Variants in NF1 observed in about 807,000 individuals in gnomAD.
NF1 encodes the protein neurofibromin.
Under a neutral mutation model 325.7 loss-of-function variants are expected in NF1, and 122 were observed. The observed-to-expected ratio is 0.37, with a 90% CI of 0.32 to 0.44. The LOEUF (loss-of-function observed/expected upper bound fraction) is 0.44. Ranked by LOEUF, NF1 falls within the 20% of genes least tolerant of loss-of-function variation. NF1 has a pLI of 1.00. For missense variants in NF1, 2,140 were observed against 3,415.4 expected (o/e 0.63, Z 9.31); for synonymous variants, 1,091 against 1,186.0 (o/e 0.92, Z 1.65).
chr17:31,296,125 A>G, intron 36 of NF1: 1 of 1,611,070 alleles, frequency 6.2e-7, no homozygotes, highest in Non-Finnish European at 8.5e-7. Context: ...GGTTATGCAG[A>G]TCAGTAAAGT....
At chr17:31,313,850 C>T in intron 36 of NF1, 1 of 362,524 alleles carries the variant, frequency 2.8e-6, no homozygotes, top group Non-Finnish European at 4.9e-6. Flanking sequence ...TTCTATGCAA[C>T]AAAACCACAA....
intron 12 of NF1, among the ~76,000 whole-genome samples, chr17:31,208,703 C>T (rs188429809): frequency 6.6e-6 from 1 of 152,232 alleles, no homozygotes; most frequent in East Asian, 1.9e-4. Context: ...CCAGCCTGGC[C>T]AACATGGTGA....
intron 55 of NF1, 98 bp from the exon 56 acceptor site, chr17:31,358,871 A>C: frequency 1.7e-6 from 2 of 1,153,592 alleles, no homozygotes; most frequent in Non-Finnish European, 2.6e-6. Context: ...CAACATGTAC[A>C]TAGGGTTTAT....
rs768883989 is a variant in NF1 at position 31,219,025 on chromosome 17, C to T, written c.1548C>T (p.Pro516=). Residue 516 remains proline (P), a synonymous_variant, in exon 14 of 58, where the codon CCC becomes CCT. Transcript: ENST00000358273. ...TGCAGAATCCAAGAAAACAGGGGCC[C>T]GAAACCCAAGGCAGTACAGCAGAAT... ...LLLCNPRKQG[P]ETQGSTAELI... 1.5e-5 allele frequency: 25 copies of T among 1,613,222 alleles called. No homozygotes were observed. The highest frequency in any genetic ancestry group is 2.2e-5 in the East Asian group (1 of 44,876).
intron 47 of NF1, among the ~76,000 whole-genome samples, chr17:31,340,856 A>G (rs1391766113): frequency 6.6e-6 from 1 of 150,896 alleles, no homozygotes; most frequent in Non-Finnish European, 1.5e-5. Context: ...GCAAAAAAAA[A>G]AAAACAAAAA....
At chr17:31,223,111 C>A (rs943602430) in intron 15 of NF1, among the ~76,000 whole-genome samples, 2 of 152,136 alleles carry the variant, frequency 1.3e-5, no homozygotes, top group African/African-American at 4.8e-5. Flanking sequence ...CTGTGGAGCA[C>A]TGGGTTTATA....
intron 2 of NF1, among the ~76,000 whole-genome samples, chr17:31,157,103 C>T (rs2065677174): frequency 6.6e-6 from 1 of 152,144 alleles, no homozygotes; most frequent in Non-Finnish European, 1.5e-5. Flanking sequence ...TTTGCTGCCT[C>T]AGGCTCCCCA....
At chr17:31,193,364 T>C (rs8069394) in intron 8 of NF1, among the ~76,000 whole-genome samples, 17,384 of 152,168 alleles carry the variant, frequency 0.11, 2,852 homozygotes, top group African/African-American at 0.37. Flanking sequence ...AGACTAAGTC[T>C]TGCTATTATG....
In NF1 at chr17:31,095,384, G is replaced by A. The variant is rs756930099; in HGVS notation, c.60+15G>A. The A allele has an allele frequency of 5.9e-6, 9 of 1,538,282 alleles. No homozygotes were observed. The highest frequency in any genetic ancestry group is 7.9e-6 in the Non-Finnish European group (9 of 1,146,234). On this transcript the variant is annotated intron_variant, in intron 1 of 57. Transcript: ENST00000358273. The stretch of plus-strand genomic sequence containing the variant: ...TCGACGAGCAGGTAACCGGCCCGTG[G>A]CGGGCGGGAGGTGGGAGCGGAGTGG...
chr17:31,157,734 C>T (rs1222717500), intron 2 of NF1, among the ~76,000 whole-genome samples: 7 of 147,356 alleles, frequency 4.8e-5, no homozygotes, highest in South Asian at 2.1e-4. Context: ...CCAAGACGGG[C>T]GGATCACGAG....
intron 1 of NF1, among the ~76,000 whole-genome samples, chr17:31,141,097 CACTT>C (rs1249506080): frequency 5.9e-5 from 9 of 152,152 alleles, no homozygotes; most frequent in Non-Finnish European, 1.2e-4. Context: ...CTGCTTGTAA[CACTT>C]ACACACACAC....
rs1362721238 is a variant in NF1 at position 31,318,661 on chromosome 17, C to A, written c.4836-7159C>A. ...ACAGACATCCTTTTTGAAAATTTCA[C>A]CATGACTTTTGCTTGTGTTTTCAAT... On this transcript the variant is annotated intron_variant, in intron 36 of 57. Transcript: ENST00000358273. 10 of 1,613,970 alleles carry A rather than the reference C, an allele frequency of 6.2e-6. No individual in the cohort carries two copies. The highest frequency in any genetic ancestry group is 8.5e-6 in the Non-Finnish European group (10 of 1,179,986).
chr17:31,287,023 A>G (rs1313971872), intron 36 of NF1, among the ~76,000 whole-genome samples: 1 of 152,246 alleles, frequency 6.6e-6, no homozygotes, highest in Non-Finnish European at 1.5e-5. Context: ...GTATTTCATT[A>G]GATTTATTGA....
intron 38 of NF1, among the ~76,000 whole-genome samples, chr17:31,329,199 T>A (rs1356702147): frequency 6.6e-6 from 1 of 152,178 alleles, no homozygotes; most frequent in South Asian, 2.1e-4. Context: ...AAAAAAGATA[T>A]GTAAACAGAA....
chr17:31,329,353 G>C (rs1351676855), intron 38 of NF1, among the ~76,000 whole-genome samples: 1 of 152,136 alleles, frequency 6.6e-6, no homozygotes, highest in African/African-American at 2.4e-5. Context: ...GTGACCTAAA[G>C]CAATCTCTGA....
Position 31,150,868 on chromosome 17 carries a change from CT to C in NF1, c.61-5114del, listed in dbSNP as rs1916889100. ...CCAACATGGTGAAACCCCGTCTCTA[CT>C]AAAAATACAAAAAAATTAGCCAGGC... On this transcript the variant is annotated intron_variant, in intron 1 of 57. Coordinates refer to ENST00000358273, the MANE Select transcript of NF1 (RefSeq NM_001042492.3). Among the ~76,000 whole-genome samples, 6 of 151,904 alleles carry C rather than the reference CT, an allele frequency of 3.9e-5. No homozygotes were observed. In the South Asian group the frequency reaches 1.2e-3, roughly 31 times the overall value.
chr17:31,350,058 T>C, intron 49 of NF1, 125 bp from the exon 50 acceptor site: 1 of 970,490 alleles, frequency 1.0e-6, no homozygotes. Flanking sequence ...ATTTATGTAG[T>C]CTTCCAAAAT....
intron 1 of NF1, among the ~76,000 whole-genome samples, chr17:31,097,599 C>A (rs890535310): frequency 1.3e-5 from 2 of 152,056 alleles, no homozygotes; most frequent in Non-Finnish European, 2.9e-5. Flanking sequence ...ATCAAACTCA[C>A]CACCATCTGT....
chr17:31,369,006 CT>C (rs1436240120), intron 57 of NF1, among the ~76,000 whole-genome samples: 2 of 152,174 alleles, frequency 1.3e-5, no homozygotes, highest in Non-Finnish European at 2.9e-5. Flanking sequence ...TTTTATTAGT[CT>C]GTCATTTTTG....
Sources: gnomAD v4.1 joint callset for allele counts (sites outside exome capture counted in the v4.1 genomes callset) on GRCh38, gnomAD v4.1.1 for gene constraint, MANE v1.5 for transcripts, NCBI Gene and HGNC (gene_info 2026-07-23, HGNC 2026-07-21) for gene names.